The following PLRG1 variants were observed in gnomAD, a reference collection of about 807,000 sequenced individuals.
The protein encoded by PLRG1 is pleiotropic regulator 1, also known as pleiotropic regulator 1 (PRL1 homolog, Arabidopsis).
Under a neutral mutation model 74.9 loss-of-function variants are expected in PLRG1, and 28 were observed. The observed-to-expected ratio is 0.37, with a 90% confidence interval of 0.28 to 0.51. PLRG1 has a LOEUF of 0.51. Among genes scored for constraint, PLRG1 ranks in the 20% least tolerant of loss-of-function variants. The probability of loss-of-function intolerance (pLI) is 0.91; values close to 1 mark genes in which losing one functional copy is unlikely to be tolerated. For synonymous variants in PLRG1, 197 were observed against 212.4 expected, an observed-to-expected ratio of 0.93 and a Z score of 0.63; for missense variants, 445 against 631.9, an observed-to-expected ratio of 0.70 and a Z score of 3.17.
At position 154,544,526 on chromosome 4, in the gene PLRG1, A is replaced by G; in HGVS notation, c.513T>C (p.Asn171=). 1 of 1,607,094 alleles carries G rather than the reference A, an allele frequency of 6.2e-7. No individual in the cohort carries two copies. The highest frequency in any genetic ancestry group is 8.5e-7 in the Non-Finnish European group (1 of 1,173,716). The change falls in exon 7 of 15, where the codon AAT becomes AAC. Residue 171 remains asparagine (N), a synonymous_variant. Transcript: ENST00000499023. The part of the protein sequence containing the change: ...AMNSIVMETG[N]TKNSALMAKK... ...TAGCCATCAGTGCAGAGTTCTTGGT[A>G]TTGCCAGTCTCCATGACAATCTAGA... is the stretch of plus-strand genomic sequence containing the variant.
At position 154,547,758 on chromosome 4, in the gene PLRG1, T is replaced by C; in HGVS notation, c.212A>G (p.Gln71Arg). Residue 71 changes from glutamine (Q) to arginine (R), a missense_variant, in exon 3 of 15, where the codon CAG (glutamine) becomes CGG (arginine). Gln to Arg is a conservative substitution (Grantham distance 43). Coordinates refer to ENST00000499023, the MANE Select transcript of PLRG1 (RefSeq NM_002669.4). ...SKENLKEKGP[Q>R]NATDSYVHKQ... ...ATGAACATATGAATCCGTTGCATTC[T>C]GAGGACCCTTCTCTTTAAGATTTTC... 2 of 1,613,044 alleles carry C rather than the reference T, an allele frequency of 1.2e-6. No homozygotes were observed. Among genetic ancestry groups the C allele is most frequent in the Non-Finnish European group, 1.7e-6 (2 of 1,179,048 alleles).
At chr4:154,540,137 A>T in intron 10 of PLRG1, 84 bp from the exon 11 acceptor site, 1 of 767,274 alleles carries the variant, frequency 1.3e-6, no homozygotes, top group South Asian at 1.5e-5. Flanking sequence ...CAAGGCTGAA[A>T]ATTTACTACA....
chr4:154,550,282 G>T lies in PLRG1; in HGVS notation c.9+18C>A. 1 of 1,610,442 alleles carries T rather than the reference G, an allele frequency of 6.2e-7. No homozygotes were observed. Among genetic ancestry groups the T allele is most frequent in the South Asian group, 1.1e-5 (1 of 91,002 alleles). On this transcript the variant is annotated intron_variant, in intron 1 of 14. Transcript: ENST00000499023. Reference sequence around the variant, plus strand: ...GTCCAGAGACAAACGACTCTTGAGAGCCCCAGTGTCACTTTACCTCGACCA... The same window carrying T: ...GTCCAGAGACAAACGACTCTTGAGATCCCCAGTGTCACTTTACCTCGACCA...
chr4:154,536,621 A>ACGC lies in PLRG1; in HGVS notation c.*61_*63dup, dbSNP rs1361402005. On this transcript the variant is annotated 3_prime_UTR_variant, in exon 15 of 15. Transcript: ENST00000499023. ...ACAAAATGACTGGATATCCTCATGA[A>ACGC]CGCCAAGCTTTTTTTTTTTTAATTA... The ACGC allele has an allele frequency of 4.6e-6, 4 of 870,102 alleles. No homozygotes were observed. Among genetic ancestry groups the ACGC allele is most frequent in the Non-Finnish European group, 7.4e-6 (4 of 539,946 alleles). The allele number at this position is 870,102 out of a possible 1,614,324, so 53.9% of individuals were successfully genotyped here. A position where few individuals can be genotyped will look rare whatever the true frequency, so the allele number is the denominator to read the frequency against.
At chr4:154,541,911 T>A in intron 8 of PLRG1, 1 of 372,942 alleles carries the variant, frequency 2.7e-6, no homozygotes, top group Non-Finnish European at 4.9e-6. Context: ...TGAATGAGCA[T>A]GCTCTTAATT....
chr4:154,550,216 C>T (rs1239007604), intron 1 of PLRG1, 84 bp downstream of exon 1: 1 of 1,185,860 alleles, frequency 8.4e-7, no homozygotes, highest in Non-Finnish European at 1.3e-6. Flanking sequence ...CTCTGGACTC[C>T]AAGTACTCTC....
In PLRG1 at chr4:154,537,350, T is replaced by C. The variant is rs542285657; in HGVS notation, c.1421A>G (p.Glu474Gly). The C allele has an allele frequency of 3.1e-6, 5 of 1,613,274 alleles. No individual in the cohort carries two copies. Among genetic ancestry groups the C allele is most frequent in the Non-Finnish European group, 4.2e-6 (5 of 1,179,506 alleles). ...GIFACAFDQS[E>G]SRLLTAEADK... is the part of the protein sequence containing the mutation. ...AGCTTCAGCTGTTAGTAATCGACTT[T>C]CAGACTGATCAAAAGCACAAGCAAA... Residue 474 changes from glutamate (E) to glycine (G), a missense_variant, in exon 14 of 15, where the codon GAA becomes GGA. By Grantham distance (98) the Glu-to-Gly change is moderately conservative. Transcript: ENST00000499023.
chr4:154,546,103 G>A lies in PLRG1; in HGVS notation c.404+20C>T. 7.1e-7 allele frequency: 1 copy of A among 1,401,854 alleles called. No homozygotes were observed. Among genetic ancestry groups the A allele is most frequent in the Non-Finnish European group, 1.0e-6 (1 of 999,052 alleles). The allele number at this position is 1,401,854 out of a possible 1,614,324, so 86.8% of individuals were successfully genotyped here. ...AGTGAAATATGCTTTTAAGATCTTT[G>A]TAATTATAATATTTCATACTTGGTC... is the stretch of plus-strand genomic sequence containing the variant. On this transcript the variant is annotated intron_variant, in intron 5 of 14. Transcript: ENST00000499023.
chr4:154,547,613 C>T (rs1578772019), intron 3 of PLRG1, 98 bp downstream of exon 3: 3 of 1,088,140 alleles, frequency 2.8e-6, no homozygotes, highest in Admixed American at 3.6e-5. Context: ...TGTACGACCA[C>T]AATAAGTCCT....
intron 9 of PLRG1, 21 bp from the exon 10 acceptor site, chr4:154,540,716 T>G (rs1560806805): frequency 6.2e-7 from 1 of 1,610,096 alleles, no homozygotes; most frequent in East Asian, 2.2e-5. Context: ...AGCAGGAAAG[T>G]TAAAACTTCT....
At chr4:154,537,917 T>C (rs1167602453) in intron 13 of PLRG1, 52 bp downstream of exon 13, 3 of 1,079,154 alleles carry the variant, frequency 2.8e-6, no homozygotes, top group African/African-American at 1.6e-5. Flanking sequence ...TATTCATCAT[T>C]AAAAGAAAAA....
At chr4:154,540,231 C>A (rs1729530949) in intron 10 of PLRG1, 178 bp from the exon 11 acceptor site, 1 of 584,848 alleles carries the variant, frequency 1.7e-6, no homozygotes, top group Non-Finnish European at 3.0e-6. Flanking sequence ...AAATAGGAGA[C>A]AACTTGCAAG....
chr4:154,538,788 A>C (rs985776494), intron 12 of PLRG1, among the ~76,000 whole-genome samples: 3 of 152,148 alleles, frequency 2.0e-5, no homozygotes, highest in Non-Finnish European at 2.9e-5. Flanking sequence ...CTCAGTGTCC[A>C]AAATCATTTA....
At chr4:154,539,062 G>C in intron 12 of PLRG1, 43 bp downstream of exon 12, 1 of 1,126,874 alleles carries the variant, frequency 8.9e-7, no homozygotes, top group Non-Finnish European at 1.4e-6. Flanking sequence ...ATTATCTTAA[G>C]AACTGAAGAA....
rs1729743839 is a variant in PLRG1 at position 154,550,375 on chromosome 4, A to G, written c.-67T>C. The G allele has an allele frequency of 1.3e-6, 2 of 1,481,544 alleles. No individual in the cohort carries two copies. Among genetic ancestry groups the G allele is most frequent in the Non-Finnish European group, 1.9e-6 (2 of 1,060,072 alleles). The allele number at this position is 1,481,544 out of a possible 1,614,324, so 91.8% of individuals were successfully genotyped here. A position where few individuals can be genotyped will look rare whatever the true frequency, so the allele number is the denominator to read the frequency against. Reference sequence around the variant, plus strand: ...AATCACTAACGCAGTACCCGCCGCCACAGCTGTGCAGCACCTTCCGGAATT... The same window carrying G: ...AATCACTAACGCAGTACCCGCCGCCGCAGCTGTGCAGCACCTTCCGGAATT... On this transcript the variant is annotated 5_prime_UTR_variant, in exon 1 of 15. Coordinates refer to ENST00000499023, the MANE Select transcript of PLRG1 (RefSeq NM_002669.4).
intron 1 of PLRG1, 74 bp from the exon 2 acceptor site, chr4:154,549,009 A>C (rs1729710288): frequency 2.3e-6 from 2 of 867,088 alleles, no homozygotes; most frequent in East Asian, 2.6e-5. Flanking sequence ...GATTGATTAT[A>C]CACTTCACGT....
At chr4:154,545,238 T>C (rs568467060) in intron 6 of PLRG1, among the ~76,000 whole-genome samples, 2 of 152,308 alleles carry the variant, frequency 1.3e-5, no homozygotes, top group South Asian at 4.1e-4. Flanking sequence ...TACACATTCA[T>C]TCACTTCATA....
At chr4:154,545,728 G>T (rs1040976017) in intron 6 of PLRG1, 108 bp downstream of exon 6, 40 of 616,542 alleles carry the variant, frequency 6.5e-5, no homozygotes, top group Non-Finnish European at 1.1e-4. Context: ...TATGAAATAT[G>T]AATGACTAGC....
At chr4:154,546,041 T>C in intron 5 of PLRG1, 82 bp downstream of exon 5, 1 of 1,079,692 alleles carries the variant, frequency 9.3e-7, no homozygotes, top group South Asian at 1.4e-5. Context: ...TGTCATATAA[T>C]AGTTATAAAG....
Sources: allele counts gnomAD v4.1 joint callset (sites outside exome capture counted in the v4.1 genomes callset), GRCh38; gene constraint gnomAD v4.1.1; transcripts MANE v1.5; gene names NCBI Gene and HGNC (gene_info 2026-07-23, HGNC 2026-07-21).